The following GLRA3 variants were observed in gnomAD, a reference collection of about 807,000 sequenced individuals.
GLRA3 encodes glycine receptor subunit alpha-3.
Under a neutral mutation model 60.4 loss-of-function variants are expected in GLRA3, and 44 were observed. That is an observed-to-expected ratio of 0.73 (90% CI 0.57 to 0.94). The LOEUF (loss-of-function observed/expected upper bound fraction) is 0.94. Among genes scored for constraint, GLRA3 ranks in the 40% least tolerant of loss-of-function variants. The pLI, the probability that GLRA3 is intolerant of heterozygous loss-of-function variation, is 0.00. For missense variants in GLRA3, 508 were observed against 564.6 expected (o/e 0.90, Z 1.02); for synonymous variants, 223 against 192.9 (o/e 1.16, Z -1.29).
intron 4 of GLRA3, 46 bp downstream of exon 4, chr4:174,728,429 T>C (rs2111132393): frequency 9.6e-7 from 1 of 1,036,502 alleles, no homozygotes; most frequent in East Asian, 2.4e-5. Context: ...CAATACACCA[T>C]GATATTCTAT....
intron 9 of GLRA3, among the ~76,000 whole-genome samples, chr4:174,650,451 C>CAA (rs1732985691): frequency 2.0e-5 from 3 of 152,122 alleles, no homozygotes; most frequent in Non-Finnish European, 4.4e-5. Flanking sequence ...TAGTGGCACT[C>CAA]TAAGGTGGCT....
chr4:174,657,098 C>T (rs1037926796), intron 8 of GLRA3, among the ~76,000 whole-genome samples: 11 of 152,098 alleles, frequency 7.2e-5, no homozygotes, highest in African/African-American at 2.7e-4. Flanking sequence ...GTACCAATCA[C>T]TGGAGAAAAT....
intron 3 of GLRA3, among the ~76,000 whole-genome samples, chr4:174,742,793 C>A (rs1216614873): frequency 1.3e-5 from 2 of 152,156 alleles, no homozygotes; most frequent in Non-Finnish European, 2.9e-5. Context: ...ATACATCATT[C>A]TTTTTCTTGA....
At chr4:174,699,452 A>C (rs537305088) in intron 5 of GLRA3, among the ~76,000 whole-genome samples, 94 of 152,346 alleles carry the variant, frequency 6.2e-4, no homozygotes, top group Admixed American at 1.2e-3. Flanking sequence ...AAAGATGTTC[A>C]AGTAATTGGA....
chr4:174,650,924 T>C (rs1579387679), intron 9 of GLRA3, among the ~76,000 whole-genome samples: 2 of 152,340 alleles, frequency 1.3e-5, no homozygotes, highest in East Asian at 3.9e-4. Flanking sequence ...AAATTGCTTT[T>C]GGCTTGAATC....
In GLRA3 at chr4:174,643,357, C is replaced by T; in HGVS notation, c.*429G>A. 2.8e-6 allele frequency: 1 copy of T among 362,852 alleles called. No homozygotes were observed. The highest frequency in any genetic ancestry group is 3.1e-6 in the Non-Finnish European group (1 of 324,530). The allele number at this position is 362,852 out of a possible 1,614,324, so 22.5% of individuals were successfully genotyped here. On this transcript the variant is annotated 3_prime_UTR_variant, in exon 10 of 10. Transcript: ENST00000274093. ...ATTATTTTCCCATTTTGTAACTATA[C>T]TATAAGAAAATAGTTTTAAATCTCA...
At chr4:174,736,795 A>G (rs1257977741) in intron 3 of GLRA3, among the ~76,000 whole-genome samples, 2 of 152,166 alleles carry the variant, frequency 1.3e-5, no homozygotes, top group East Asian at 1.9e-4. Flanking sequence ...AGCCATCACA[A>G]TGCCTGTATA....
At chr4:174,699,252 T>C (rs1735202729) in intron 5 of GLRA3, among the ~76,000 whole-genome samples, 1 of 152,206 alleles carries the variant, frequency 6.6e-6, no homozygotes, top group Non-Finnish European at 1.5e-5. Flanking sequence ...TCAACCCGTC[T>C]CAGCCTCCCA....
intron 4 of GLRA3, among the ~76,000 whole-genome samples, chr4:174,720,914 A>C (rs1736103648): frequency 1.3e-5 from 2 of 152,196 alleles, no homozygotes; most frequent in South Asian, 4.1e-4. Flanking sequence ...AGCTAAACAA[A>C]GGCTACCTCT....
chr4:174,795,850 T>C (rs907252773), intron 1 of GLRA3, among the ~76,000 whole-genome samples: 4 of 152,172 alleles, frequency 2.6e-5, no homozygotes, highest in Admixed American at 6.6e-5. Flanking sequence ...GAGAAGATAA[T>C]GAAGTAAATG....
At chr4:174,785,365 A>C (rs1363925890) in intron 2 of GLRA3, among the ~76,000 whole-genome samples, 4 of 152,184 alleles carry the variant, frequency 2.6e-5, no homozygotes, top group Non-Finnish European at 5.9e-5. Context: ...CAATATAAAG[A>C]TACTTGTGAA....
At chr4:174,804,248 G>A (rs890506683) in intron 1 of GLRA3, among the ~76,000 whole-genome samples, 1 of 152,146 alleles carries the variant, frequency 6.6e-6, no homozygotes, top group Non-Finnish European at 1.5e-5. Flanking sequence ...CCTAGAACCT[G>A]TGATGGGAAA....
intron 1 of GLRA3, among the ~76,000 whole-genome samples, chr4:174,808,482 G>T (rs1740136754): frequency 6.6e-6 from 1 of 152,092 alleles, no homozygotes; most frequent in Non-Finnish European, 1.5e-5. Flanking sequence ...ATAATACTTG[G>T]ATAATGATAA....
chr4:174,655,512 C>T (rs1733163095), intron 9 of GLRA3, among the ~76,000 whole-genome samples: 1 of 151,904 alleles, frequency 6.6e-6, no homozygotes. Flanking sequence ...AAATAGGTAC[C>T]TTTCACTCTA....
At chr4:174,731,013 T>G (rs1165289307) in intron 3 of GLRA3, among the ~76,000 whole-genome samples, 1 of 152,174 alleles carries the variant, frequency 6.6e-6, no homozygotes, top group Non-Finnish European at 1.5e-5. Context: ...CTAAACTATA[T>G]TAAGTTAGTG....
intron 5 of GLRA3, among the ~76,000 whole-genome samples, chr4:174,691,130 C>T (rs553354560): frequency 2.7e-4 from 41 of 152,312 alleles, no homozygotes; most frequent in Non-Finnish European, 4.0e-4. Context: ...TTTACACTCT[C>T]ACTAACAGTG....
At chr4:174,744,098 G>T (rs1035617908) in intron 3 of GLRA3, among the ~76,000 whole-genome samples, 8 of 152,202 alleles carry the variant, frequency 5.3e-5, no homozygotes, top group Non-Finnish European at 1.0e-4. Flanking sequence ...GTGCTGTGGT[G>T]CTGCAGCCAT....
At chr4:174,687,037 T>G (rs115252668) in intron 5 of GLRA3, among the ~76,000 whole-genome samples, 2,952 of 152,270 alleles carry the variant, frequency 0.019, 45 homozygotes, top group Middle Eastern at 0.075. Flanking sequence ...TTCATAACCA[T>G]AATAAGACAT....
rs1732514238 is a variant in GLRA3 at position 174,637,132 on chromosome 4, C to T, written c.*6654G>A. 6.6e-6 allele frequency: 1 copy of T among 152,018 alleles called. No individual in the cohort carries two copies. The highest frequency in any genetic ancestry group is 2.4e-5 in the African/African-American group (1 of 41,400). The allele number at this position is 152,018 out of a possible 1,614,324, so 9.4% of individuals were successfully genotyped here. A position where few individuals can be genotyped will look rare whatever the true frequency, so the allele number is the denominator to read the frequency against. ...ATAATTTCCTGGAAAAATATGACAG[C>T]ATCTGGACAAGGAAGACAGACTTAG... On this transcript the variant is annotated 3_prime_UTR_variant, in exon 10 of 10. Coordinates refer to ENST00000274093, the MANE Select transcript of GLRA3 (RefSeq NM_006529.4).
Sources: gnomAD v4.1 joint callset for allele counts (sites outside exome capture counted in the v4.1 genomes callset) on GRCh38, gnomAD v4.1.1 for gene constraint, MANE v1.5 for transcripts, NCBI Gene and HGNC (gene_info 2026-07-23, HGNC 2026-07-21) for gene names.